The following FTO variants were observed in gnomAD, a reference collection of about 807,000 sequenced individuals.
FTO encodes FTO alpha-ketoglutarate dependent dioxygenase.
FTO carries 47 observed loss-of-function variants against 63.9 expected under a neutral mutation model. That is an observed-to-expected ratio of 0.74 (90% CI 0.58 to 0.94). FTO has a LOEUF of 0.94. Ranked by LOEUF, FTO falls within the 40% of genes least tolerant of loss-of-function variation. The pLI, the probability that FTO is intolerant of heterozygous loss-of-function variation, is 0.00. For synonymous variants in FTO, 207 were observed against 224.4 expected (o/e 0.92, Z 0.69); for missense variants, 562 against 618.1 (o/e 0.91, Z 0.96).
chr16:54,057,473 T>C (rs2085462255), intron 8 of FTO, among the ~76,000 whole-genome samples: 1 of 152,180 alleles, frequency 6.6e-6, no homozygotes, highest in Non-Finnish European at 1.5e-5. Context: ...TTGTTTTTTG[T>C]TTTTTGTTTT....
chr16:54,031,302 T>C (rs1468357326), intron 8 of FTO, among the ~76,000 whole-genome samples: 4 of 152,220 alleles, frequency 2.6e-5, no homozygotes, highest in Admixed American at 1.3e-4. Context: ...GAAAAGCCAA[T>C]GCACTGAAAC....
At chr16:54,054,845 G>A (rs968783449) in intron 8 of FTO, among the ~76,000 whole-genome samples, 1 of 152,138 alleles carries the variant, frequency 6.6e-6, no homozygotes, top group Non-Finnish European at 1.5e-5. Flanking sequence ...GGAAAATTGG[G>A]GCTAAAGGAA....
chr16:53,995,098 T>C (rs1343104432), intron 8 of FTO, among the ~76,000 whole-genome samples: 1 of 152,210 alleles, frequency 6.6e-6, no homozygotes, highest in African/African-American at 2.4e-5. Context: ...TTGGAATCCT[T>C]CTGCTTCCCA....
At chr16:53,896,246 T>C (rs1402601398) in intron 7 of FTO, among the ~76,000 whole-genome samples, 1 of 152,012 alleles carries the variant, frequency 6.6e-6, no homozygotes, top group South Asian at 2.1e-4. Flanking sequence ...AAGATTGGAA[T>C]GTCAGAAATT....
At chr16:53,849,860 G>T (rs913166077) in intron 4 of FTO, among the ~76,000 whole-genome samples, 5 of 152,184 alleles carry the variant, frequency 3.3e-5, no homozygotes, top group African/African-American at 9.6e-5. Context: ...GGAAACTGTG[G>T]TATCTTTGTA....
At chr16:53,850,794 G>A (rs937623048) in intron 4 of FTO, among the ~76,000 whole-genome samples, 4 of 152,012 alleles carry the variant, frequency 2.6e-5, no homozygotes, top group Non-Finnish European at 5.9e-5. Flanking sequence ...AATGGGTACA[G>A]GGCTGCTTTT....
chr16:53,891,950 C>T (rs2081160411), intron 7 of FTO, among the ~76,000 whole-genome samples: 1 of 152,164 alleles, frequency 6.6e-6, no homozygotes, highest in Non-Finnish European at 1.5e-5. Flanking sequence ...CTCAGTGTCT[C>T]TCCTCAGCGT....
intron 8 of FTO, among the ~76,000 whole-genome samples, chr16:54,077,798 C>G (rs1192075706): frequency 6.6e-6 from 1 of 152,082 alleles, no homozygotes; most frequent in Admixed American, 6.6e-5. Context: ...GCCTGGAGGC[C>G]AGAATGGCAG....
intron 1 of FTO, among the ~76,000 whole-genome samples, chr16:53,712,863 T>C (rs1309190796): frequency 1.3e-5 from 2 of 152,156 alleles, no homozygotes; most frequent in Non-Finnish European, 2.9e-5. Context: ...GATCCTTGGC[T>C]GCTAATGAGA....
chr16:53,734,510 A>C lies in FTO; in HGVS notation c.45+30281A>C, dbSNP rs142672281. 3.0e-3 allele frequency among the ~76,000 whole-genome samples: 454 copies of C among 152,366 alleles called. 5 individuals are homozygous for C. The highest frequency in any genetic ancestry group is 9.8e-3 in the African/African-American group (407 of 41,596). On this transcript the variant is annotated intron_variant, in intron 1 of 8. Transcript: ENST00000471389. ...CATCTGTGGTTGGGTGGCCAATATCACATGAAAGAGTTTTGTGCCTTTTTG... is the reference window on the plus strand; with the variant it reads ...CATCTGTGGTTGGGTGGCCAATATCCCATGAAAGAGTTTTGTGCCTTTTTG...
intron 8 of FTO, among the ~76,000 whole-genome samples, chr16:54,090,814 G>A (rs1478682448): frequency 2.0e-5 from 3 of 152,150 alleles, no homozygotes; most frequent in East Asian, 1.9e-4. Context: ...GGTCTTACCC[G>A]TGACTATAGT....
intron 8 of FTO, among the ~76,000 whole-genome samples, chr16:54,090,942 C>G (rs1432226721): frequency 6.6e-6 from 1 of 152,202 alleles, no homozygotes; most frequent in Non-Finnish European, 1.5e-5. Flanking sequence ...CATGTGGGCT[C>G]TCCAGCAGGG....
At chr16:54,008,147 T>C (rs1405769805) in intron 8 of FTO, among the ~76,000 whole-genome samples, 8 of 152,172 alleles carry the variant, frequency 5.3e-5, no homozygotes, top group Non-Finnish European at 2.9e-5. Context: ...TAAATGTAGG[T>C]TCCAACTCCT....
chr16:53,708,866 ATTGT>A (rs1173629304), intron 1 of FTO, among the ~76,000 whole-genome samples: 2 of 151,870 alleles, frequency 1.3e-5, no homozygotes, highest in East Asian at 1.9e-4. Flanking sequence ...TTTTTGTTGG[ATTGT>A]TTGTGTTCCT....
intron 1 of FTO, among the ~76,000 whole-genome samples, chr16:53,719,883 G>T (rs1336062222): frequency 6.6e-6 from 1 of 151,878 alleles, no homozygotes; most frequent in Non-Finnish European, 1.5e-5. Context: ...CACTTATTCA[G>T]TATTCTAATG....
At chr16:53,920,171 C>T (rs2081975815) in intron 7 of FTO, among the ~76,000 whole-genome samples, 1 of 152,128 alleles carries the variant, frequency 6.6e-6, no homozygotes, top group Non-Finnish European at 1.5e-5. Flanking sequence ...TGCCATGTGT[C>T]AGGTACTATG....
At chr16:53,761,964 A>G (rs2077082892) in intron 1 of FTO, among the ~76,000 whole-genome samples, 1 of 152,236 alleles carries the variant, frequency 6.6e-6, no homozygotes, top group African/African-American at 2.4e-5. Context: ...GAAGGAATAA[A>G]TGTAACAAGT....
At chr16:53,807,587 A>C (rs1248930914) in intron 1 of FTO, among the ~76,000 whole-genome samples, 1 of 152,144 alleles carries the variant, frequency 6.6e-6, no homozygotes. Flanking sequence ...TCCTCTTTAT[A>C]TGTAGATTAG....
At chr16:53,732,048 T>A (rs1410100298) in intron 1 of FTO, among the ~76,000 whole-genome samples, 4 of 134,796 alleles carry the variant, frequency 3.0e-5, no homozygotes, top group East Asian at 2.3e-4. Context: ...CTTATTTTTT[T>A]TTTTTTTTTT....
Sources: gnomAD v4.1 joint callset for allele counts (sites outside exome capture counted in the v4.1 genomes callset) on GRCh38, gnomAD v4.1.1 for gene constraint, MANE v1.5 for transcripts, NCBI Gene and HGNC (gene_info 2026-07-23, HGNC 2026-07-21) for gene names.